PRKN: variants seen among roughly 807,000 people sequenced by gnomAD.
The protein encoded by PRKN is parkin RBR E3 ubiquitin protein ligase.
A neutral mutation model predicts 59.5 loss-of-function variants in PRKN; 56 were observed. The observed-to-expected ratio is 0.94, with a 90% CI of 0.76 to 1.18. The LOEUF is 1.18. Ranked by LOEUF, PRKN falls within the 50% of genes most tolerant of loss-of-function variation. The probability of loss-of-function intolerance (pLI) is 0.00; values close to 1 mark genes in which losing one functional copy is unlikely to be tolerated. For synonymous variants in PRKN, 250 were observed against 222.1 expected (o/e 1.13, Z -1.12); for missense variants, 657 against 596.4 (o/e 1.10, Z -1.06).
At chr6:161,662,492 C>G (rs1270231895) in intron 7 of PRKN, among the ~76,000 whole-genome samples, 1 of 152,110 alleles carries the variant, frequency 6.6e-6, no homozygotes, top group African/African-American at 2.4e-5. Context: ...GGTGCAGCAG[C>G]CTCCAGGGAG....
chr6:162,648,058 A>G (rs1484443575), intron 1 of PRKN, among the ~76,000 whole-genome samples: 1 of 151,930 alleles, frequency 6.6e-6, no homozygotes, highest in Non-Finnish European at 1.5e-5. Flanking sequence ...TAATTACAGA[A>G]AGGTCACAAT....
At position 161,761,172 on chromosome 6, in the gene PRKN, T is replaced by C. The variant is rs111504246; in HGVS notation, c.871+24600A>G. On this transcript the variant is annotated intron_variant, in intron 7 of 11. Coordinates refer to ENST00000366898, the MANE Select transcript of PRKN (RefSeq NM_004562.3). ...ACCATTGTGTTGCAACAAAACATAGTAGGTACTTGCCTTGAATAAATCAAT... is the reference window on the plus strand; with the variant it reads ...ACCATTGTGTTGCAACAAAACATAGCAGGTACTTGCCTTGAATAAATCAAT... Among the ~76,000 whole-genome samples, 636 of 152,330 alleles carry C rather than the reference T, an allele frequency of 4.2e-3. 10 individuals carry two copies. The highest frequency in any genetic ancestry group is 0.037 in the Middle Eastern group (11 of 294).
chr6:162,225,521 C>A (rs12662431), intron 3 of PRKN, among the ~76,000 whole-genome samples: 3 of 151,940 alleles, frequency 2.0e-5, no homozygotes, highest in Admixed American at 1.3e-4. Flanking sequence ...CTAAGTTAAT[C>A]TAACCTTCTT....
At chr6:162,387,214 A>G (rs1240395356) in intron 2 of PRKN, among the ~76,000 whole-genome samples, 2 of 145,424 alleles carry the variant, frequency 1.4e-5, no homozygotes, top group African/African-American at 5.2e-5. Flanking sequence ...TCCAGTAATT[A>G]CACACTAAGA....
At chr6:161,896,002 C>A (rs1389564120) in intron 6 of PRKN, among the ~76,000 whole-genome samples, 1 of 152,108 alleles carries the variant, frequency 6.6e-6, no homozygotes, top group Non-Finnish European at 1.5e-5. Context: ...GGGCTAGAGA[C>A]CACCTTGTTA....
chr6:161,883,443 C>G (rs901472173), intron 6 of PRKN, among the ~76,000 whole-genome samples: 2 of 148,268 alleles, frequency 1.3e-5, no homozygotes, highest in Non-Finnish European at 3.0e-5. Context: ...GCTGAGATAG[C>G]GCCACTGCAC....
chr6:161,608,194 T>C (rs1782354139), intron 7 of PRKN, among the ~76,000 whole-genome samples: 1 of 152,144 alleles, frequency 6.6e-6, no homozygotes, highest in Non-Finnish European at 1.5e-5. Context: ...GAAAATGATA[T>C]GTGATTTTTC....
intron 7 of PRKN, among the ~76,000 whole-genome samples, chr6:161,754,560 G>A (rs962521794): frequency 1.3e-5 from 2 of 152,082 alleles, no homozygotes; most frequent in African/African-American, 4.8e-5. Flanking sequence ...ACAACTGGGA[G>A]CTAAGACTGG....
chr6:161,910,520 G>T (rs1778319803), intron 6 of PRKN, among the ~76,000 whole-genome samples: 1 of 152,168 alleles, frequency 6.6e-6, no homozygotes, highest in Non-Finnish European at 1.5e-5. Context: ...CTCCCAAAGT[G>T]CTGGGATTAC....
At chr6:162,356,432 G>A (rs531526525) in intron 2 of PRKN, among the ~76,000 whole-genome samples, 82 of 152,010 alleles carry the variant, frequency 5.4e-4, no homozygotes, top group African/African-American at 1.8e-3. Context: ...TTTACACCAC[G>A]ATAAGAGACT....
At chr6:161,834,074 G>A (rs947164978) in intron 6 of PRKN, among the ~76,000 whole-genome samples, 5 of 152,068 alleles carry the variant, frequency 3.3e-5, no homozygotes, top group African/African-American at 9.7e-5. Flanking sequence ...CACAGACATC[G>A]TGTAAGAGCA....
intron 7 of PRKN, among the ~76,000 whole-genome samples, chr6:161,651,780 T>G (rs1784157678): frequency 6.6e-6 from 1 of 152,188 alleles, no homozygotes; most frequent in South Asian, 2.1e-4. Flanking sequence ...CAAAAGAGAT[T>G]TCAGATGTCT....
rs1778983589 is a variant in PRKN at position 161,525,480 on chromosome 6, G to A, written c.1083+23374C>T. Among the ~76,000 whole-genome samples the A allele has an allele frequency of 6.6e-6, 1 of 152,156 alleles. No homozygotes were observed. ...TGGAATAAAAGGGCCAACAGGTCAG[G>A]GATATTGGGAGCAGGAGAACTGTGG... is the stretch of plus-strand genomic sequence containing the variant. On this transcript the variant is annotated intron_variant, in intron 9 of 11. Coordinates refer to ENST00000366898, the MANE Select transcript of PRKN (RefSeq NM_004562.3). The surrounding 1 kb of genome is among the most constrained non-coding windows in gnomAD (Gnocchi z 4.7).
intron 6 of PRKN, among the ~76,000 whole-genome samples, chr6:161,909,376 C>G (rs1778268484): frequency 6.6e-6 from 1 of 152,096 alleles, no homozygotes. Context: ...TGCAGCTGCT[C>G]TCTAGATGTA....
At chr6:162,247,569 T>A (rs1159505040) in intron 3 of PRKN, among the ~76,000 whole-genome samples, 1 of 152,182 alleles carries the variant, frequency 6.6e-6, no homozygotes, top group Non-Finnish European at 1.5e-5. Flanking sequence ...AAACCTATAT[T>A]TCCAATGCAT....
At chr6:161,997,653 G>T (rs1024183404) in intron 5 of PRKN, among the ~76,000 whole-genome samples, 16 of 152,234 alleles carry the variant, frequency 1.1e-4, no homozygotes, top group African/African-American at 3.4e-4. Flanking sequence ...CTGCTATTCT[G>T]TGGTGACTGT....
intron 2 of PRKN, among the ~76,000 whole-genome samples, chr6:162,316,660 C>G (rs933343397): frequency 2.6e-5 from 4 of 151,856 alleles, no homozygotes; most frequent in African/African-American, 9.7e-5. Context: ...TTGTTTTATG[C>G]TAATTAGGCT....
chr6:161,957,668 C>T (rs1780232081), intron 6 of PRKN, among the ~76,000 whole-genome samples: 1 of 152,114 alleles, frequency 6.6e-6, no homozygotes, highest in Admixed American at 6.5e-5. Flanking sequence ...TGTGATCCAC[C>T]CGCCTCGGCC....
At chr6:162,103,740 G>A (rs1423319260) in intron 4 of PRKN, among the ~76,000 whole-genome samples, 2 of 152,304 alleles carry the variant, frequency 1.3e-5, no homozygotes, top group South Asian at 2.1e-4. Flanking sequence ...AGAAAGGCCC[G>A]GATTCACAAT....
Sources: allele counts gnomAD v4.1 joint callset (sites outside exome capture counted in the v4.1 genomes callset), GRCh38; gene constraint gnomAD v4.1.1; non-coding constraint Gnocchi (gnomAD v3.1); transcripts MANE v1.5; gene names NCBI Gene and HGNC (gene_info 2026-07-23, HGNC 2026-07-21).